Variants in RBM19 observed in about 807,000 individuals in gnomAD.
RBM19 encodes probable RNA-binding protein 19.
In RBM19, 94 loss-of-function variants were observed where a neutral mutation model predicts 116.8. That is an observed-to-expected ratio of 0.80 (90% confidence interval 0.68 to 0.95). RBM19 has a LOEUF of 0.95. Ranked by LOEUF, RBM19 falls within the 40% of genes least tolerant of loss-of-function variation. The probability of loss-of-function intolerance (pLI) is 0.00; values close to 1 mark genes in which losing one functional copy is unlikely to be tolerated. For missense variants in RBM19, 1,161 were observed against 1,220.7 expected (o/e 0.95, Z 0.73); for synonymous variants, 475 against 494.1 (o/e 0.96, Z 0.51).
Position 113,960,178 on chromosome 12 carries a change from C to G in RBM19, c.220G>C (p.Val74Leu), listed in dbSNP as rs145897049. Reference sequence around the variant, plus strand: ...TCCCCGAATGACTTGCAGAACTCCACCTGTGTGGGAAAGAGAGTGATTTTC... The same window carrying G: ...TCCCCGAATGACTTGCAGAACTCCAGCTGTGTGGGAAAGAGAGTGATTTTC... ...KSFIDTSRIT[V>L]EFCKSFGDPA... Residue 74 changes from valine to leucine, a missense_variant and splice_region_variant, in exon 3 of 24, where the codon GTG becomes CTG. By Grantham distance (32) the Val-to-Leu change is conservative. Transcript: ENST00000261741. The G allele has an allele frequency of 3.1e-6, 5 of 1,613,364 alleles. No individual in the cohort carries two copies. Among genetic ancestry groups the G allele is most frequent in the Non-Finnish European group, 4.2e-6 (5 of 1,179,978 alleles).
Position 113,927,160 on chromosome 12 carries a change from A to G in RBM19, c.2138T>C (p.Met713Thr). 6.2e-7 allele frequency: 1 copy of G among 1,602,510 alleles called. No homozygotes were observed. The highest frequency in any genetic ancestry group is 2.2e-5 in the East Asian group (1 of 44,574). ...TTCCTCTTCCTCCTCCTCCTCTTCC[A>G]TCTTTGCTGAAGAGTTGTCTGCTCC... is the stretch of plus-strand genomic sequence containing the variant. ...EEGADNSSAK[M>T]EEEEEEEEEE... Residue 713 changes from methionine to threonine, a missense_variant, in exon 17 of 24, where the codon ATG becomes ACG. Physicochemically the swap from Met to Thr is moderately conservative, Grantham distance 81. Coordinates refer to ENST00000261741, the MANE Select transcript of RBM19 (RefSeq NM_016196.4).
chr12:113,924,855 A>C, intron 17 of RBM19, 98 bp from the exon 18 acceptor site: 2 of 1,008,144 alleles, frequency 2.0e-6, no homozygotes, highest in Non-Finnish European at 3.2e-6. Context: ...CCATATGGAC[A>C]CCTTGGGGTC....
At position 113,863,381 on chromosome 12, in the gene RBM19, C is replaced by T. The variant is rs575633912; in HGVS notation, c.2559-4485G>A. Among the ~76,000 whole-genome samples the T allele has an allele frequency of 6.6e-5, 10 of 152,248 alleles. No individual in the cohort carries two copies. In the South Asian group the frequency reaches 1.9e-3, roughly 28 times the overall value. ...TCTCTCTCTCCCTCCCTGACTGAAG[C>T]GACAGGCTCAGGGGGAAAGAAGTGA... On this transcript the variant is annotated intron_variant, in intron 21 of 23. Coordinates refer to ENST00000261741, the MANE Select transcript of RBM19 (RefSeq NM_016196.4).
intron 21 of RBM19, among the ~76,000 whole-genome samples, chr12:113,908,929 G>C (rs1425164948): frequency 2.0e-5 from 3 of 152,250 alleles, no homozygotes; most frequent in African/African-American, 7.2e-5. Context: ...GAGCCAGTCA[G>C]AGTGTCCCAG....
At position 113,950,165 on chromosome 12, in the gene RBM19, A is replaced by G; in HGVS notation, c.1001-11T>C. On this transcript the variant is annotated splice_polypyrimidine_tract_variant and intron_variant, in intron 8 of 23. Transcript: ENST00000261741. Reference sequence around the variant, plus strand: ...CCACAAAGATGTATCCTGACAGAGGACAATGACAGAGGTAAAATCTGCAGG... The same window carrying G: ...CCACAAAGATGTATCCTGACAGAGGGCAATGACAGAGGTAAAATCTGCAGG... The G allele has an allele frequency of 6.3e-7, 1 of 1,596,682 alleles. No individual in the cohort carries two copies.
chr12:113,955,770 A>C (rs1566041737), intron 6 of RBM19, among the ~76,000 whole-genome samples: 1 of 152,214 alleles, frequency 6.6e-6, no homozygotes, highest in Non-Finnish European at 1.5e-5. Flanking sequence ...ATGTGAGCCC[A>C]TATATAGCTT....
At chr12:113,841,908 T>C (rs946634190) in intron 23 of RBM19, among the ~76,000 whole-genome samples, 53 of 152,318 alleles carry the variant, frequency 3.5e-4, no homozygotes, top group African/African-American at 1.2e-3. Flanking sequence ...GGTGTGAGGA[T>C]GGCCCCCTGA....
intron 22 of RBM19, among the ~76,000 whole-genome samples, chr12:113,849,505 A>G (rs1404602095): frequency 6.6e-6 from 1 of 152,228 alleles, no homozygotes; most frequent in East Asian, 1.9e-4. Context: ...GTTCTGAGAG[A>G]GCAGGCAGTG....
intron 21 of RBM19, among the ~76,000 whole-genome samples, chr12:113,912,718 C>T (rs1025121751): frequency 5.3e-5 from 8 of 152,194 alleles, no homozygotes; most frequent in Non-Finnish European, 1.2e-4. Context: ...TTTTACTACA[C>T]CTGGTAGGAG....
rs1320533120 is a variant in RBM19, at chr12:113,861,125, C to T, written c.2559-2229G>A. Among the ~76,000 whole-genome samples, 5 of 152,346 alleles carry T rather than the reference C, an allele frequency of 3.3e-5. No individual in the cohort carries two copies. The East Asian group carries it at 9.7e-4, about 29-fold the overall frequency. On this transcript the variant is annotated intron_variant, in intron 21 of 23. Coordinates refer to ENST00000261741, the MANE Select transcript of RBM19 (RefSeq NM_016196.4). The stretch of plus-strand genomic sequence containing the variant: ...GGTTAGAATGTGAATCCAGGCATGT[C>T]TGACGTTAAGCCCAAGCTCTCTTTC...
chr12:113,842,864 A>G (rs1876621523), intron 23 of RBM19, among the ~76,000 whole-genome samples: 1 of 152,140 alleles, frequency 6.6e-6, no homozygotes, highest in African/African-American at 2.4e-5. Context: ...CAGCATGTGC[A>G]AAGGCACAGA....
intron 7 of RBM19, among the ~76,000 whole-genome samples, chr12:113,954,084 T>TA (rs1206625800): frequency 1.3e-5 from 2 of 152,152 alleles, no homozygotes; most frequent in Non-Finnish European, 2.9e-5. Flanking sequence ...AGCATGAGCA[T>TA]AAAAAATGCT....
Position 113,956,756 on chromosome 12 carries a change from C to G in RBM19, c.840+1026G>C, listed in dbSNP as rs576468335. On this transcript the variant is annotated intron_variant, in intron 6 of 23. Coordinates refer to ENST00000261741, the MANE Select transcript of RBM19 (RefSeq NM_016196.4). ...CTGGGGAAGCGCCCACGTTTATGATCTCGACTTCAGACCCCACAGACCTGG... is the reference window on the plus strand; with the variant it reads ...CTGGGGAAGCGCCCACGTTTATGATGTCGACTTCAGACCCCACAGACCTGG... Among the ~76,000 whole-genome samples, 91 of 152,154 alleles carry G rather than the reference C, an allele frequency of 6.0e-4. 3 individuals are homozygous for G. In the South Asian group the frequency reaches 0.018, roughly 31 times the overall value.
At chr12:113,955,087 C>T in intron 7 of RBM19, 44 bp downstream of exon 7, 1 of 1,597,006 alleles carries the variant, frequency 6.3e-7, no homozygotes, top group South Asian at 1.1e-5. Flanking sequence ...CCCTCGTCTC[C>T]TGCTCCCGCA....
intron 15 of RBM19, among the ~76,000 whole-genome samples, chr12:113,937,640 C>A (rs11066830): frequency 0.16 from 24,170 of 151,596 alleles, 2,561 homozygotes; most frequent in African/African-American, 0.3. Flanking sequence ...TGGTGGCACA[C>A]ACCTGTAGTC....
At position 113,957,999 on chromosome 12, in the gene RBM19, A is replaced by G; in HGVS notation, c.623T>C (p.Met208Thr). The change falls in exon 6 of 24, where the codon ATG becomes ACG. Residue 208 changes from methionine to threonine, a missense_variant. Coordinates refer to ENST00000261741, the MANE Select transcript of RBM19 (RefSeq NM_016196.4). ...CACCATCTTGGATTTCAGGTAATCC[A>G]TGTCCGACAGCTCCTTCTGCACAGC... ...KAAVQKELSDMDYLKSKMVKA... is the reference protein window; with the variant it reads ...KAAVQKELSDTDYLKSKMVKA... The G allele has an allele frequency of 6.2e-7, 1 of 1,614,138 alleles. No homozygotes were observed. The highest frequency in any genetic ancestry group is 8.5e-7 in the Non-Finnish European group (1 of 1,180,002).
chr12:113,859,394 G>A (rs1878186248), intron 21 of RBM19, among the ~76,000 whole-genome samples: 1 of 152,178 alleles, frequency 6.6e-6, no homozygotes, highest in Non-Finnish European at 1.5e-5. Flanking sequence ...AATGGGATGG[G>A]GCCCTTTCTC....
intron 13 of RBM19, 93 bp from the exon 14 acceptor site, chr12:113,942,527 A>T: frequency 2.2e-6 from 2 of 927,152 alleles, no homozygotes; most frequent in African/African-American, 1.7e-5. Flanking sequence ...GGAGGCTGGG[A>T]TGGAAATGGA....
rs116431852 is a variant in RBM19, at chr12:113,950,519, G to A, written c.1001-365C>T. Among the ~76,000 whole-genome samples, 679 of 152,204 alleles carry A rather than the reference G, an allele frequency of 4.5e-3. 6 individuals are homozygous for A. Among genetic ancestry groups the A allele is most frequent in the African/African-American group, 0.016 (653 of 41,522 alleles). On this transcript the variant is annotated intron_variant, in intron 8 of 23. Transcript: ENST00000261741. The stretch of plus-strand genomic sequence containing the variant: ...CTACAGCATGAGGACCCACCTAGGC[G>A]CTGGAAGCACCTTCTCCACACCCAC...
Sources: allele counts gnomAD v4.1 joint callset (sites outside exome capture counted in the v4.1 genomes callset), GRCh38; gene constraint gnomAD v4.1.1; transcripts MANE v1.5; gene names NCBI Gene and HGNC (gene_info 2026-07-23, HGNC 2026-07-21).